Variants in PTPRG observed in about 807,000 individuals in gnomAD.
The protein encoded by PTPRG is receptor-type tyrosine-protein phosphatase gamma.
A neutral mutation model predicts 165.3 loss-of-function variants in PTPRG; 102 were observed. That is an observed-to-expected ratio of 0.62 (90% CI 0.53 to 0.73). The LOEUF (loss-of-function observed/expected upper bound fraction) is 0.73. Ranked by LOEUF, PTPRG falls within the 30% of genes least tolerant of loss-of-function variation. The pLI, the probability that PTPRG is intolerant of heterozygous loss-of-function variation, is 0.00. For synonymous variants in PTPRG, 675 were observed against 669.5 expected, an observed-to-expected ratio of 1.01 and a Z score of -0.13; for missense variants, 1,866 against 1,861.4, an observed-to-expected ratio of 1.00 and a Z score of -0.05.
At chr3:62,117,739 T>A (rs914688003) in intron 5 of PTPRG, among the ~76,000 whole-genome samples, 1 of 152,214 alleles carries the variant, frequency 6.6e-6, no homozygotes, top group African/African-American at 2.4e-5. Context: ...AATTACACAA[T>A]TCACAGGGTT....
chr3:61,921,091 T>TCTTCCATCCATCTC (rs1305201907), intron 2 of PTPRG, among the ~76,000 whole-genome samples: 2 of 149,424 alleles, frequency 1.3e-5, no homozygotes, highest in Non-Finnish European at 2.9e-5. Context: ...TTCCTTCTTG[T>TCTTCCATCCATCTC]CTTCCATCCA....
At chr3:61,834,943 G>C (rs1478385306) in intron 2 of PTPRG, among the ~76,000 whole-genome samples, 1 of 152,190 alleles carries the variant, frequency 6.6e-6, no homozygotes, top group African/African-American at 2.4e-5. Flanking sequence ...ATTTCATCTA[G>C]ATTGCCCACC....
At chr3:62,060,210 T>C (rs1700762981) in intron 4 of PTPRG, among the ~76,000 whole-genome samples, 1 of 48,734 alleles carries the variant, frequency 2.1e-5, no homozygotes, top group Non-Finnish European at 5.2e-5. Flanking sequence ...AGACCCTGTC[T>C]CAAAAAAAAA....
chr3:62,198,987 A>G (rs1381347919), intron 10 of PTPRG, among the ~76,000 whole-genome samples: 4 of 152,250 alleles, frequency 2.6e-5, no homozygotes, highest in South Asian at 4.1e-4. Flanking sequence ...TACTAGGGCT[A>G]TCAGTGACCC....
At chr3:61,614,795 G>C (rs1701260130) in intron 1 of PTPRG, among the ~76,000 whole-genome samples, 1 of 152,192 alleles carries the variant, frequency 6.6e-6, no homozygotes, top group African/African-American at 2.4e-5. Context: ...TTAGACCACT[G>C]CTTTGAGCTC....
intron 2 of PTPRG, among the ~76,000 whole-genome samples, chr3:61,830,289 T>A (rs907145270): frequency 6.6e-6 from 1 of 152,244 alleles, no homozygotes; most frequent in Non-Finnish European, 1.5e-5. Context: ...TTTGGAATTA[T>A]ACGGTGTGAA....
intron 15 of PTPRG, among the ~76,000 whole-genome samples, chr3:62,247,351 G>C (rs1459969842): frequency 1.3e-5 from 2 of 152,060 alleles, no homozygotes; most frequent in Non-Finnish European, 2.9e-5. Flanking sequence ...CAAGACTTCA[G>C]ACTCCTCATT....
At chr3:61,989,200 T>A (rs1174505226) in intron 2 of PTPRG, among the ~76,000 whole-genome samples, 2 of 152,222 alleles carry the variant, frequency 1.3e-5, no homozygotes, top group Non-Finnish European at 2.9e-5. Context: ...TTTTTCATGT[T>A]TACAGTCTTT....
At chr3:61,960,923 C>G (rs2040138935) in intron 2 of PTPRG, among the ~76,000 whole-genome samples, 1 of 152,058 alleles carries the variant, frequency 6.6e-6, no homozygotes, top group Non-Finnish European at 1.5e-5. Context: ...AGACCCTTCA[C>G]TGATCAGCTG....
At chr3:62,103,448 G>T (rs569206169) in intron 5 of PTPRG, among the ~76,000 whole-genome samples, 2 of 152,156 alleles carry the variant, frequency 1.3e-5, no homozygotes, top group African/African-American at 4.8e-5. Context: ...CATCTCCAGC[G>T]CCTGGGATTC....
intron 4 of PTPRG, among the ~76,000 whole-genome samples, chr3:62,048,519 G>C (rs1335285403): frequency 6.6e-6 from 1 of 152,218 alleles, no homozygotes; most frequent in Non-Finnish European, 1.5e-5. Context: ...TTTACCTCTT[G>C]TAAAATCAGG....
chr3:61,902,591 A>T (rs142214141), intron 2 of PTPRG, among the ~76,000 whole-genome samples: 155 of 152,318 alleles, frequency 1.0e-3, no homozygotes, highest in African/African-American at 3.5e-3. Flanking sequence ...GAGATAAAAG[A>T]TGTAAGTTGT....
intron 4 of PTPRG, among the ~76,000 whole-genome samples, chr3:62,040,581 G>A (rs768901071): frequency 6.6e-6 from 1 of 152,290 alleles, no homozygotes; most frequent in Non-Finnish European, 1.5e-5. Flanking sequence ...AGCCTCCCAC[G>A]TAGCTGGTAC....
intron 1 of PTPRG, among the ~76,000 whole-genome samples, chr3:61,605,673 ATTCT>A (rs571993263): frequency 1.1e-4 from 16 of 151,984 alleles, no homozygotes; most frequent in African/African-American, 3.6e-4. Flanking sequence ...GCCTCAAGTG[ATTCT>A]TTCACCTCTG....
rs577020434 is a variant in PTPRG at position 62,024,375 on chromosome 3, T to A, written c.519+20878T>A. Among the ~76,000 whole-genome samples the A allele has an allele frequency of 1.2e-3, 182 of 150,314 alleles. 1 individual carries two copies. The highest frequency in any genetic ancestry group is 1.8e-3 in the Non-Finnish European group (122 of 67,534). On this transcript the variant is annotated intron_variant, in intron 4 of 29. Transcript: ENST00000474889. The stretch of plus-strand genomic sequence containing the variant: ...ATAATTATTTTGGCAATAGTGATAA[T>A]GAAAGGTCACTATTTTGTGAGATTT...
intron 8 of PTPRG, among the ~76,000 whole-genome samples, chr3:62,171,957 T>A (rs1705233609): frequency 6.6e-6 from 1 of 152,154 alleles, no homozygotes; most frequent in East Asian, 1.9e-4. Flanking sequence ...CTAACGTACC[T>A]TTTGTCTCTA....
intron 1 of PTPRG, among the ~76,000 whole-genome samples, chr3:61,747,890 C>G (rs866549801): frequency 6.6e-5 from 10 of 152,018 alleles, no homozygotes; most frequent in South Asian, 2.1e-4. Flanking sequence ...AATTCCGTTT[C>G]ATTTTGGATT....
intron 1 of PTPRG, among the ~76,000 whole-genome samples, chr3:61,731,605 C>T (rs1343831493): frequency 6.6e-6 from 1 of 152,014 alleles, no homozygotes; most frequent in African/African-American, 2.4e-5. Context: ...CCTCGGCCTC[C>T]CAAAGTGCTG....
intron 5 of PTPRG, among the ~76,000 whole-genome samples, chr3:62,081,921 G>A (rs1050428698): frequency 1.3e-5 from 2 of 152,116 alleles, no homozygotes; most frequent in African/African-American, 4.8e-5. Flanking sequence ...TCGATGCCAG[G>A]AGTGGTACTA....
Sources: allele counts gnomAD v4.1 joint callset (sites outside exome capture counted in the v4.1 genomes callset), GRCh38; gene constraint gnomAD v4.1.1; transcripts MANE v1.5; gene names NCBI Gene and HGNC (gene_info 2026-07-23, HGNC 2026-07-21).